Variants in ROS1 observed in about 807,000 individuals in gnomAD.
ROS1 encodes the protein proto-oncogene tyrosine-protein kinase ROS.
ROS1 carries 263 observed loss-of-function variants against 273.5 expected under a neutral mutation model. The observed-to-expected ratio is 0.96, with a 90% CI of 0.87 to 1.06. The LOEUF (loss-of-function observed/expected upper bound fraction) is 1.06, where lower values mean the gene tolerates loss of function less well. Among genes scored for constraint, ROS1 ranks in the 50% least tolerant of loss-of-function variants. The pLI is 0.00. For synonymous variants in ROS1, 1,008 were observed against 954.1 expected (o/e 1.06, Z -1.04); for missense variants, 2,833 against 2,751.1 (o/e 1.03, Z -0.67).
At chr6:117,335,841 T>A (rs1353006233) in intron 32 of ROS1, among the ~76,000 whole-genome samples, 3 of 151,864 alleles carry the variant, frequency 2.0e-5, no homozygotes, top group Non-Finnish European at 2.9e-5. Context: ...TGTTGAGGGA[T>A]AGGAGCTGAG....
intron 1 of ROS1, among the ~76,000 whole-genome samples, chr6:117,420,034 T>C (rs560236453): frequency 1.4e-4 from 21 of 152,238 alleles, no homozygotes; most frequent in African/African-American, 4.3e-4. Flanking sequence ...GGCACTCTTA[T>C]AGGTGTTTTA....
At chr6:117,327,469 G>A (rs1776724811) in intron 33 of ROS1, among the ~76,000 whole-genome samples, 1 of 152,156 alleles carries the variant, frequency 6.6e-6, no homozygotes, top group Non-Finnish European at 1.5e-5. Context: ...TCTACACAAT[G>A]GCCATTGAGA....
intron 18 of ROS1, among the ~76,000 whole-genome samples, chr6:117,373,071 C>T (rs1252811767): frequency 1.3e-5 from 2 of 152,202 alleles, no homozygotes; most frequent in Non-Finnish European, 2.9e-5. Flanking sequence ...AAAAGTTCTC[C>T]AAGTCCCTAC....
Position 117,394,737 on chromosome 6 carries a change from A to G in ROS1, c.885T>C (p.Val295=), listed in dbSNP as rs758063107. 14 of 1,604,566 alleles carry G rather than the reference A, an allele frequency of 8.7e-6. No homozygotes were observed. The highest frequency in any genetic ancestry group is 1.1e-5 in the Non-Finnish European group (13 of 1,176,566). Reference sequence around the variant, plus strand: ...AAAAGAGCCACTGTTCCTCTTGTTGAACTGAAAAAAACAACACAATTTGCA... The same window carrying G: ...AAAAGAGCCACTGTTCCTCTTGTTGGACTGAAAAAAACAACACAATTTGCA... The part of the protein sequence containing the change: ...ESSITTSSSA[V]QQEEQWLFLS... The change falls in exon 10 of 44, where the codon GTT becomes GTC. Residue 295 remains valine, a splice_region_variant and synonymous_variant. Transcript: ENST00000368507.
chr6:117,421,102 C>T (rs1177895855), intron 1 of ROS1, among the ~76,000 whole-genome samples: 1 of 150,464 alleles, frequency 6.6e-6, no homozygotes, highest in African/African-American at 2.4e-5. Flanking sequence ...TATTTTTATT[C>T]TGCAATTCTG....
At chr6:117,401,374 A>G (rs1469285786) in intron 7 of ROS1, among the ~76,000 whole-genome samples, 1 of 151,998 alleles carries the variant, frequency 6.6e-6, no homozygotes, top group East Asian at 1.9e-4. Flanking sequence ...TAAAATCTGT[A>G]CTCCTTATCA....
chr6:117,323,175 T>C (rs896902431), intron 35 of ROS1, among the ~76,000 whole-genome samples: 1 of 152,012 alleles, frequency 6.6e-6, no homozygotes. Context: ...CCTGGCAGGG[T>C]CAGCTGAAAT....
intron 9 of ROS1, among the ~76,000 whole-genome samples, chr6:117,395,214 CTGCT>C (rs1773398229): frequency 2.0e-5 from 3 of 152,152 alleles, no homozygotes; most frequent in Admixed American, 2.0e-4. Context: ...CTGCAGAACT[CTGCT>C]TGATATCCTG....
chr6:117,425,648 GTTC>G lies in ROS1; in HGVS notation c.6_8del (p.Lys2del). ...CAAGCTTCGGAATAAGACAGTAAAT[GTTC>G]TTCATCACTTCACCAATGGCAGATT... On this transcript the variant is annotated inframe_deletion, in exon 1 of 44. Transcript: ENST00000368507. 6.2e-7 allele frequency: 1 copy of G among 1,610,894 alleles called. No individual in the cohort carries two copies. The highest frequency in any genetic ancestry group is 1.7e-5 in the Admixed American group (1 of 59,430).
chr6:117,383,420 C>A lies in ROS1; in HGVS notation c.2378G>T (p.Gly793Val). ...GAGTGTGGTCCAGTAGAGATATCCA[C>A]CAACTGAATCCACCACCATGTCATT... ...LVNDMVVDSV[G>V]GYLYWTTLYS... The change falls in exon 17 of 44, where the codon GGT becomes GTT. Residue 793 changes from glycine (G) to valine (V), a missense_variant. Physicochemically the swap from Gly to Val is moderately radical, Grantham distance 109. Coordinates refer to ENST00000368507, the MANE Select transcript of ROS1 (RefSeq NM_001378902.1). 2 of 1,613,994 alleles carry A rather than the reference C, an allele frequency of 1.2e-6. No homozygotes were observed. Among genetic ancestry groups the A allele is most frequent in the Non-Finnish European group, 1.7e-6 (2 of 1,179,878 alleles).
intron 43 of ROS1, among the ~76,000 whole-genome samples, chr6:117,294,472 C>T (rs767062699): frequency 2.0e-5 from 3 of 152,136 alleles, no homozygotes; most frequent in Non-Finnish European, 4.4e-5. Context: ...CTTACTTGAT[C>T]ATAGTATACT....
At chr6:117,330,406 G>C (rs1776994752) in intron 32 of ROS1, among the ~76,000 whole-genome samples, 1 of 152,238 alleles carries the variant, frequency 6.6e-6, no homozygotes, top group South Asian at 2.1e-4. Flanking sequence ...TAGTTCTGAG[G>C]AATCTGGGAA....
At chr6:117,404,682 A>G (rs1774255832) in intron 5 of ROS1, among the ~76,000 whole-genome samples, 1 of 152,150 alleles carries the variant, frequency 6.6e-6, no homozygotes, top group Non-Finnish European at 1.5e-5. Flanking sequence ...TTTTGCTTTT[A>G]CAGGCAGATG....
Position 117,365,167 on chromosome 6 carries a change from G to A in ROS1, c.2996C>T (p.Thr999Ile), listed in dbSNP as rs1257766314. ...GGCATAAGGTTCCAGTCCTTCCACA[G>A]TAAATACAGGTAAAGAGTGTTGTTC... is the stretch of plus-strand genomic sequence containing the variant. ...ASEQHSLPVF[T>I]VEGLEPYALF... is the part of the protein sequence containing the mutation. Residue 999 changes from threonine to isoleucine, a missense_variant, in exon 21 of 44, where the codon ACT becomes ATT. Transcript: ENST00000368507. The A allele has an allele frequency of 1.2e-6, 2 of 1,612,050 alleles. No homozygotes were observed. Among genetic ancestry groups the A allele is most frequent in the South Asian group, 1.1e-5 (1 of 90,982 alleles).
At chr6:117,403,116 T>A (rs768558727) in intron 7 of ROS1, 23 bp downstream of exon 7, 1 of 1,612,388 alleles carries the variant, frequency 6.2e-7, no homozygotes, top group Admixed American at 1.7e-5. Context: ...TGTCCTTTCA[T>A]AAGAAATGTG....
intron 43 of ROS1, among the ~76,000 whole-genome samples, chr6:117,291,891 A>C (rs919731544): frequency 1.3e-5 from 2 of 152,170 alleles, no homozygotes; most frequent in Non-Finnish European, 2.9e-5. Flanking sequence ...GGAGACTTCA[A>C]GTAGAACCTA....
intron 33 of ROS1, chr6:117,328,480 G>T (rs1004198454): frequency 1.2e-5 from 4 of 336,304 alleles, no homozygotes; most frequent in African/African-American, 6.1e-5. Flanking sequence ...CTTCAAGGAG[G>T]TTTCAATTAG....
At chr6:117,329,783 G>A (rs1020978411) in intron 32 of ROS1, among the ~76,000 whole-genome samples, 4 of 152,012 alleles carry the variant, frequency 2.6e-5, no homozygotes, top group Non-Finnish European at 1.5e-5. Context: ...GGGGAGCGGC[G>A]AGCGAGCAGG....
chr6:117,352,175 G>T (rs1035256822), intron 27 of ROS1, among the ~76,000 whole-genome samples: 1 of 152,304 alleles, frequency 6.6e-6, no homozygotes, highest in East Asian at 1.9e-4. Context: ...CCGCCTCCCA[G>T]GTTCAATCCA....
Sources: gnomAD v4.1 joint callset for allele counts (sites outside exome capture counted in the v4.1 genomes callset) on GRCh38, gnomAD v4.1.1 for gene constraint, MANE v1.5 for transcripts, NCBI Gene and HGNC (gene_info 2026-07-23, HGNC 2026-07-21) for gene names.